Variants in FAM81A observed in about 807,000 individuals in gnomAD.
The protein encoded by FAM81A is family with sequence similarity 81 member A.
Under a neutral mutation model 46.7 loss-of-function variants are expected in FAM81A, and 19 were observed. The observed-to-expected ratio is 0.41, with a 90% CI of 0.28 to 0.60. FAM81A has a LOEUF of 0.60. Ranked by LOEUF, FAM81A falls within the 20% of genes least tolerant of loss-of-function variation. FAM81A has a pLI of 0.34. For missense variants in FAM81A, 377 were observed against 453.5 expected, an observed-to-expected ratio of 0.83 and a Z score of 1.53; for synonymous variants, 183 against 152.9, an observed-to-expected ratio of 1.20 and a Z score of -1.45.
Position 59,406,718 on chromosome 15 carries a change from G to C in FAM81A, c.-78+4360G>C, listed in dbSNP as rs1025622364. The stretch of plus-strand genomic sequence containing the variant: ...TACTTTCTGTCTCTATAAATTTGCT[G>C]TTTATAGAGAAATGAAATCATCCTG... On this transcript the variant is annotated intron_variant, in intron 2 of 4. Coordinates refer to the FAM81A transcript ENST00000558348. Among the ~76,000 whole-genome samples the C allele has an allele frequency of 2.0e-5, 3 of 151,990 alleles. No individual in the cohort carries two copies. The East Asian group carries it at 5.8e-4, about 29-fold the overall frequency.
chr15:59,502,747 C>G (rs1351982156), intron 4 of FAM81A, among the ~76,000 whole-genome samples: 1 of 151,728 alleles, frequency 6.6e-6, no homozygotes, highest in Admixed American at 6.6e-5. Context: ...GTCTCGAATT[C>G]CTGACCCCAG....
At chr15:59,519,987 A>T (rs2082310889) in intron 8 of FAM81A, among the ~76,000 whole-genome samples, 2 of 152,150 alleles carry the variant, frequency 1.3e-5, no homozygotes. Flanking sequence ...TAACCTCTAT[A>T]CCAAGCTTGT....
At chr15:59,501,879 C>T (rs1322882445) in intron 4 of FAM81A, among the ~76,000 whole-genome samples, 4 of 152,160 alleles carry the variant, frequency 2.6e-5, no homozygotes, top group Non-Finnish European at 5.9e-5. Context: ...GCTGTTGAGC[C>T]ATATGCGCAG....
At chr15:59,413,934 C>G (rs1247730289) in intron 2 of FAM81A, among the ~76,000 whole-genome samples, 1 of 152,004 alleles carries the variant, frequency 6.6e-6, no homozygotes, top group Admixed American at 6.6e-5. Context: ...GGTAGCCCTC[C>G]CAAAGACGTC....
At chr15:59,452,266 C>T (rs139497822) in intron 1 of FAM81A, among the ~76,000 whole-genome samples, 11 of 152,280 alleles carry the variant, frequency 7.2e-5, no homozygotes, top group East Asian at 1.9e-4. Context: ...TGATTATAAA[C>T]GCTATTTCAG....
chr15:59,514,994 C>T (rs767501185), intron 7 of FAM81A, among the ~76,000 whole-genome samples: 3 of 152,156 alleles, frequency 2.0e-5, no homozygotes, highest in East Asian at 3.9e-4. Context: ...CCTGTAATCC[C>T]AGCACTTTGG....
intron 3 of FAM81A, among the ~76,000 whole-genome samples, chr15:59,486,857 A>T (rs1390069922): frequency 6.6e-6 from 1 of 152,174 alleles, no homozygotes; most frequent in Non-Finnish European, 1.5e-5. Context: ...ATTTATCAAC[A>T]CCAGGCCTGT....
At chr15:59,435,883 G>C (rs575239437), upstream of FAM81A, among the ~76,000 whole-genome samples, 1 of 152,098 alleles carries the variant, frequency 6.6e-6, no homozygotes, top group Admixed American at 6.6e-5. Flanking sequence ...TGGATATTTC[G>C]TTGCAATTTA....
chr15:59,504,014 G>C (rs533176500), intron 4 of FAM81A, among the ~76,000 whole-genome samples: 2 of 152,302 alleles, frequency 1.3e-5, no homozygotes, highest in East Asian at 3.9e-4. Flanking sequence ...AACACAGTCT[G>C]TCCCTCAAAC....
chr15:59,474,070 C>G (rs116140692), intron 3 of FAM81A, among the ~76,000 whole-genome samples: 1 of 152,158 alleles, frequency 6.6e-6, no homozygotes, highest in African/African-American at 2.4e-5. Context: ...TTGCCAGTTC[C>G]TCTCATGCCC....
intron 5 of FAM81A, among the ~76,000 whole-genome samples, chr15:59,508,422 T>C (rs146642329): frequency 6.6e-6 from 1 of 152,338 alleles, no homozygotes; most frequent in East Asian, 1.9e-4. Context: ...AGGGAGATAG[T>C]CTACAAGTTA....
intron 2 of FAM81A, among the ~76,000 whole-genome samples, chr15:59,419,402 T>C (rs2081160958): frequency 1.3e-5 from 2 of 152,214 alleles, no homozygotes; most frequent in South Asian, 2.1e-4. Flanking sequence ...CTCTCTTCTA[T>C]GTATGAAATT....
At chr15:59,489,855 G>T (rs2081963353) in intron 3 of FAM81A, among the ~76,000 whole-genome samples, 2 of 152,194 alleles carry the variant, frequency 1.3e-5, no homozygotes, top group Admixed American at 1.3e-4. Context: ...ATATCCATAT[G>T]CAGAAGCATG....
intron 3 of FAM81A, among the ~76,000 whole-genome samples, chr15:59,465,266 T>G (rs1173075297): frequency 1.3e-5 from 2 of 152,198 alleles, no homozygotes; most frequent in African/African-American, 4.8e-5. Context: ...GGCTTTGTTC[T>G]TATTTATTTA....
intron 3 of FAM81A, among the ~76,000 whole-genome samples, chr15:59,475,675 A>C (rs1467990555): frequency 6.6e-6 from 1 of 152,194 alleles, no homozygotes. Flanking sequence ...TTTGGCAAAA[A>C]ATTTAGTTTG....
chr15:59,412,334 T>A (rs1466442699), intron 2 of FAM81A, among the ~76,000 whole-genome samples: 1 of 152,210 alleles, frequency 6.6e-6, no homozygotes, highest in Non-Finnish European at 1.5e-5. Context: ...AGACTTGCTG[T>A]AAAGCAGTTA....
intron 3 of FAM81A, among the ~76,000 whole-genome samples, chr15:59,482,014 A>T: frequency 6.6e-6 from 1 of 152,252 alleles, no homozygotes; most frequent in Middle Eastern, 3.4e-3. Flanking sequence ...AATTGAGCAG[A>T]AAGTATACTC....
chr15:59,415,466 T>C (rs2081142631), intron 2 of FAM81A, among the ~76,000 whole-genome samples: 1 of 152,172 alleles, frequency 6.6e-6, no homozygotes, highest in Admixed American at 6.6e-5. Flanking sequence ...GGGGCCAATC[T>C]AATCATGAGT....
At chr15:59,501,780 A>G (rs1406843469) in intron 4 of FAM81A, among the ~76,000 whole-genome samples, 1 of 152,240 alleles carries the variant, frequency 6.6e-6, no homozygotes, top group East Asian at 1.9e-4. Context: ...AAAATTTGGA[A>G]TGAGTACATT....
Sources: allele counts gnomAD v4.1 joint callset (sites outside exome capture counted in the v4.1 genomes callset), GRCh38; gene constraint gnomAD v4.1.1; transcripts MANE v1.5; gene names NCBI Gene and HGNC (gene_info 2026-07-23, HGNC 2026-07-21).